The following SELENOI variants were observed in gnomAD, a reference collection of about 807,000 sequenced individuals.
SELENOI encodes the protein ethanolaminephosphotransferase 1.
In SELENOI, 24 loss-of-function variants were observed where a neutral mutation model predicts 50.7. That is an observed-to-expected ratio of 0.47 (90% CI 0.34 to 0.67). SELENOI has a LOEUF of 0.67. Among genes scored for constraint, SELENOI ranks in the 30% least tolerant of loss-of-function variants. The pLI, the probability that SELENOI is intolerant of heterozygous loss-of-function variation, is 0.01. For synonymous variants in SELENOI, 155 were observed against 170.2 expected (o/e 0.91, Z 0.70); for missense variants, 352 against 461.4 (o/e 0.76, Z 2.17).
intron 6 of SELENOI, among the ~76,000 whole-genome samples, chr2:26,380,210 A>G (rs1018134423): frequency 6.4e-4 from 98 of 152,362 alleles, no homozygotes; most frequent in African/African-American, 2.3e-3. Flanking sequence ...AAAGAAGTCT[A>G]GCTTCTGTTG....
chr2:26,349,400 G>A (rs1676902983), intron 1 of SELENOI, among the ~76,000 whole-genome samples: 1 of 149,782 alleles, frequency 6.7e-6, no homozygotes, highest in Admixed American at 6.7e-5. Flanking sequence ...TCCGCCTCCC[G>A]GGTTCAAGCA....
intron 5 of SELENOI, among the ~76,000 whole-genome samples, chr2:26,373,830 A>G (rs1677508731): frequency 6.6e-6 from 1 of 152,208 alleles, no homozygotes; most frequent in African/African-American, 2.4e-5. Context: ...AGGAAAAAGT[A>G]GAGAGAATAG....
At chr2:26,373,048 G>A (rs1019247080) in intron 4 of SELENOI, among the ~76,000 whole-genome samples, 1 of 151,964 alleles carries the variant, frequency 6.6e-6, no homozygotes, top group Non-Finnish European at 1.5e-5. Flanking sequence ...ACCACCATGC[G>A]TGGCTAATTT....
chr2:26,347,837 A>G (rs1016300374), intron 1 of SELENOI, among the ~76,000 whole-genome samples: 14 of 152,218 alleles, frequency 9.2e-5, no homozygotes, highest in Non-Finnish European at 1.8e-4. Flanking sequence ...CAACTAAATA[A>G]GTGTCTTAAT....
At chr2:26,382,801 G>T (rs1265279741) in intron 6 of SELENOI, among the ~76,000 whole-genome samples, 2 of 151,638 alleles carry the variant, frequency 1.3e-5, no homozygotes, top group Admixed American at 1.3e-4. Context: ...GACCAGCCTG[G>T]AATATAGCCA....
At chr2:26,366,314 AATTT>A (rs757422139) in intron 3 of SELENOI, among the ~76,000 whole-genome samples, 1 of 152,024 alleles carries the variant, frequency 6.6e-6, no homozygotes, top group Non-Finnish European at 1.5e-5. Context: ...GGTTTTTAAA[AATTT>A]ATTTATTTAT....
intron 1 of SELENOI, among the ~76,000 whole-genome samples, chr2:26,347,923 CA>C (rs1676839165): frequency 6.6e-6 from 1 of 152,160 alleles, no homozygotes; most frequent in African/African-American, 2.4e-5. Flanking sequence ...TATCTGACAG[CA>C]GATGACTTCC....
chr2:26,346,209 T>G lies in SELENOI; in HGVS notation c.-24T>G. Reference sequence around the variant, plus strand: ...CTTGTAGCCGGGAGTCGCTGCCGAGTGGGCGCTCAGTTTTCGGGTCGTCAT... The same window carrying G: ...CTTGTAGCCGGGAGTCGCTGCCGAGGGGGCGCTCAGTTTTCGGGTCGTCAT... On this transcript the variant is annotated 5_prime_UTR_variant, in exon 1 of 10. Transcript: ENST00000260585. 2 of 1,613,548 alleles carry G rather than the reference T, an allele frequency of 1.2e-6. No individual in the cohort carries two copies. The highest frequency in any genetic ancestry group is 1.7e-6 in the Non-Finnish European group (2 of 1,179,660).
At position 26,390,297 on chromosome 2, in the gene SELENOI, A is replaced by G. The variant is rs937559861; in HGVS notation, c.*1194A>G. On this transcript the variant is annotated 3_prime_UTR_variant, in exon 10 of 10. Transcript: ENST00000260585. ...TTTCATGATGTGGATATTTTCTTCTATTTCTTTGTCTTCATTTAATTTGGT... is the reference window on the plus strand; with the variant it reads ...TTTCATGATGTGGATATTTTCTTCTGTTTCTTTGTCTTCATTTAATTTGGT... 6.6e-6 allele frequency: 1 copy of G among 151,914 alleles called. No homozygotes were observed. Among genetic ancestry groups the G allele is most frequent in the Non-Finnish European group, 1.5e-5 (1 of 67,894 alleles). The allele number at this position is 151,914 out of a possible 1,614,324, so 9.4% of individuals were successfully genotyped here.
intron 6 of SELENOI, among the ~76,000 whole-genome samples, 183 bp downstream of exon 6, chr2:26,375,331 G>T (rs567585887): frequency 2.6e-5 from 4 of 152,190 alleles, no homozygotes; most frequent in South Asian, 4.1e-4. Context: ...TGTTTTTGGG[G>T]TTTTTTTGTT....
chr2:26,362,376 G>T (rs1677196362), intron 1 of SELENOI, among the ~76,000 whole-genome samples: 1 of 152,098 alleles, frequency 6.6e-6, no homozygotes, highest in Non-Finnish European at 1.5e-5. Flanking sequence ...TATTCAGAAA[G>T]AAATTTTGAT....
chr2:26,370,981 A>C (rs1574757873), intron 4 of SELENOI, among the ~76,000 whole-genome samples: 2 of 105,596 alleles, frequency 1.9e-5, no homozygotes, highest in South Asian at 3.2e-4. Context: ...CGGGGGGCTG[A>C]CCCCCCCACC....
At chr2:26,381,117 A>G (rs1677685788) in intron 6 of SELENOI, among the ~76,000 whole-genome samples, 1 of 149,198 alleles carries the variant, frequency 6.7e-6, no homozygotes, top group Admixed American at 6.7e-5. Context: ...GTACCTACTT[A>G]ATAAATAAAC....
rs1393859548 is a variant in SELENOI, at chr2:26,395,631, A to C, written c.*6528A>C. 6.6e-6 allele frequency: 1 copy of C among 152,622 alleles called. No homozygotes were observed. Among genetic ancestry groups the C allele is most frequent in the Non-Finnish European group, 1.5e-5 (1 of 68,044 alleles). The allele number at this position is 152,622 out of a possible 1,614,324, so 9.5% of individuals were successfully genotyped here. On this transcript the variant is annotated 3_prime_UTR_variant, in exon 10 of 10. Transcript: ENST00000260585. ...GTCAGATAATGTGATGTACAAAGAG[A>C]GTATGCCGATGCATTTCATTGTTTT...
chr2:26,386,557 T>C (rs1677848574), intron 9 of SELENOI, 21 bp downstream of exon 9: 1 of 1,537,512 alleles, frequency 6.5e-7, no homozygotes, highest in Non-Finnish European at 8.8e-7. Flanking sequence ...TACAGCAAAA[T>C]GGGTTCAATT....
intron 1 of SELENOI, among the ~76,000 whole-genome samples, chr2:26,356,718 T>A (rs1367232): frequency 0.027 from 4,159 of 152,224 alleles, 153 homozygotes; most frequent in African/African-American, 0.087. Flanking sequence ...CTACATCATG[T>A]TCAGAATGGT....
chr2:26,376,787 C>T (rs765648713), intron 6 of SELENOI, among the ~76,000 whole-genome samples: 11 of 152,116 alleles, frequency 7.2e-5, no homozygotes, highest in East Asian at 1.9e-4. Context: ...TTTTTACTTA[C>T]GTGAAAGTGT....
intron 1 of SELENOI, among the ~76,000 whole-genome samples, chr2:26,362,790 G>A (rs1432703939): frequency 3.3e-5 from 5 of 151,934 alleles, no homozygotes; most frequent in East Asian, 1.9e-4. Flanking sequence ...TTTTTCAAGC[G>A]TGTGACTAGT....
At chr2:26,378,868 A>T (rs978672686) in intron 6 of SELENOI, among the ~76,000 whole-genome samples, 2 of 152,196 alleles carry the variant, frequency 1.3e-5, no homozygotes, top group African/African-American at 4.8e-5. Flanking sequence ...ATCCGTAAAT[A>T]TTTCACTGTG....
Sources: gnomAD v4.1 joint callset for allele counts (sites outside exome capture counted in the v4.1 genomes callset) on GRCh38, gnomAD v4.1.1 for gene constraint, MANE v1.5 for transcripts, NCBI Gene and HGNC (gene_info 2026-07-23, HGNC 2026-07-21) for gene names.